The following FANCC variants were observed in gnomAD, a reference collection of about 807,000 sequenced individuals.
The protein encoded by FANCC is FA complementation group C, also known as Fanconi anemia group C protein.
Under a neutral mutation model 71.3 loss-of-function variants are expected in FANCC, and 55 were observed. The observed-to-expected ratio is 0.77, with a 90% CI of 0.62 to 0.97. The LOEUF (loss-of-function observed/expected upper bound fraction) is 0.97. FANCC is among the 50% of genes least tolerant of loss of function. The pLI, the probability that FANCC is intolerant of heterozygous loss-of-function variation, is 0.00. For synonymous variants in FANCC, 275 were observed against 244.9 expected (o/e 1.12, Z -1.15); for missense variants, 678 against 670.9 (o/e 1.01, Z -0.12).
intron 4 of FANCC, among the ~76,000 whole-genome samples, chr9:95,224,504 T>TAA (rs927274972): frequency 6.9e-6 from 1 of 144,070 alleles, no homozygotes; most frequent in African/African-American, 2.5e-5. Flanking sequence ...GAAGATTGGT[T>TAA]AAAAAAAAAA....
rs1407999116 is a variant in FANCC, at chr9:95,172,087, G to C, written c.406C>G (p.Gln136Glu). The C allele has an allele frequency of 5.0e-6, 8 of 1,613,266 alleles. No individual in the cohort carries two copies. The highest frequency in any genetic ancestry group is 5.9e-6 in the Non-Finnish European group (7 of 1,179,360). The stretch of plus-strand genomic sequence containing the variant: ...TCTATAGGTGCATACCCAAGACCTT[G>C]AGTGAAAAGAGCAACTTCTTTATCA... ...RFDKEVALFT[Q>E]GLGYAPIDYY... Residue 136 changes from glutamine (Q) to glutamate (E), a missense_variant, in exon 5 of 15, where the codon CAA becomes GAA. Transcript: ENST00000289081.
At position 95,099,284 on chromosome 9, in the gene FANCC, G is replaced by C. The variant is rs2134368846; in HGVS notation, c.*2423C>G. 4.5e-6 allele frequency: 1 copy of C among 222,420 alleles called. No homozygotes were observed. Among genetic ancestry groups the C allele is most frequent in the Non-Finnish European group, 9.0e-6 (1 of 111,410 alleles). 13.8% of individuals were successfully genotyped at this position (222,420 alleles called of 1,614,324 possible). A position where few individuals can be genotyped will look rare whatever the true frequency, so the allele number is the denominator to read the frequency against. ...GGAGAGTCTACAAAAACTCCTGCTA[G>C]AGTAAGGTCAGATTCCAGACCCTGT... On this transcript the variant is annotated 3_prime_UTR_variant, in exon 15 of 15. Coordinates refer to ENST00000289081, the MANE Select transcript of FANCC (RefSeq NM_000136.3).
At chr9:95,195,378 T>G (rs1012711474) in intron 4 of FANCC, among the ~76,000 whole-genome samples, 4 of 152,092 alleles carry the variant, frequency 2.6e-5, no homozygotes, top group African/African-American at 9.7e-5. Context: ...TTGTTGAAAT[T>G]TCTCCATTGA....
intron 1 of FANCC, among the ~76,000 whole-genome samples, chr9:95,302,668 A>C (rs1834820317): frequency 6.6e-6 from 1 of 152,170 alleles, no homozygotes; most frequent in Admixed American, 6.5e-5. Flanking sequence ...CTTCTAAAGC[A>C]CTTGTGCCTA....
intron 13 of FANCC, among the ~76,000 whole-genome samples, chr9:95,108,645 T>C (rs2071652242): frequency 6.6e-6 from 1 of 152,220 alleles, no homozygotes. Context: ...TTTTAAAGTA[T>C]TTTTTATCCT....
chr9:95,200,585 T>A (rs1182915149), intron 4 of FANCC, among the ~76,000 whole-genome samples: 2 of 152,220 alleles, frequency 1.3e-5, no homozygotes, highest in African/African-American at 4.8e-5. Context: ...ATGGGGAATT[T>A]CAGGCAAATG....
chr9:95,220,761 TA>T (rs1282970592), intron 4 of FANCC, among the ~76,000 whole-genome samples: 2 of 152,010 alleles, frequency 1.3e-5, no homozygotes, highest in Non-Finnish European at 2.9e-5. Context: ...GAGAAATACC[TA>T]ATGTAAATGA....
At chr9:95,283,921 A>T (rs1191469025) in intron 1 of FANCC, among the ~76,000 whole-genome samples, 1 of 152,188 alleles carries the variant, frequency 6.6e-6, no homozygotes, top group African/African-American at 2.4e-5. Context: ...TTGGGAAGTT[A>T]TTTTGCCAGT....
At chr9:95,190,174 C>T (rs977050238) in intron 4 of FANCC, among the ~76,000 whole-genome samples, 2 of 152,102 alleles carry the variant, frequency 1.3e-5, no homozygotes, top group Non-Finnish European at 2.9e-5. Flanking sequence ...ACGCACACCC[C>T]CCATGTCCTG....
chr9:95,303,867 T>C (rs1040428662), intron 1 of FANCC, among the ~76,000 whole-genome samples: 2 of 152,194 alleles, frequency 1.3e-5, no homozygotes, highest in Non-Finnish European at 2.9e-5. Context: ...ATTAGCTTTC[T>C]TGTAATGAGT....
At chr9:95,271,921 C>A (rs1832747992) in intron 1 of FANCC, among the ~76,000 whole-genome samples, 1 of 93,846 alleles carries the variant, frequency 1.1e-5, no homozygotes, top group African/African-American at 3.8e-5. Context: ...TCCCATCAAG[C>A]CTCTTCTTTT....
At chr9:95,110,439 A>ATCT (rs2071826913) in intron 13 of FANCC, 1 of 1,025,754 alleles carries the variant, frequency 9.7e-7, no homozygotes, top group African/African-American at 1.7e-5. Flanking sequence ...GCTTAACGTG[A>ATCT]TCTTTTAAAG....
intron 6 of FANCC, among the ~76,000 whole-genome samples, chr9:95,162,016 A>AT (rs899210125): frequency 3.3e-5 from 5 of 151,902 alleles, no homozygotes; most frequent in African/African-American, 1.2e-4. Context: ...TAATTTTTGT[A>AT]TTTTTAGTAG....
intron 6 of FANCC, among the ~76,000 whole-genome samples, chr9:95,159,760 G>A (rs937883858): frequency 4.6e-5 from 7 of 152,150 alleles, no homozygotes; most frequent in Non-Finnish European, 8.8e-5. Context: ...TTGTGGTTTT[G>A]ATTTGCATTT....
chr9:95,168,537 ACT>A (rs1312064128), intron 6 of FANCC, among the ~76,000 whole-genome samples: 3 of 152,190 alleles, frequency 2.0e-5, no homozygotes, highest in Admixed American at 6.5e-5. Flanking sequence ...TAAATTGTGC[ACT>A]GTTTTGTTCG....
At chr9:95,108,274 G>T (rs933338083) in intron 13 of FANCC, among the ~76,000 whole-genome samples, 2 of 152,256 alleles carry the variant, frequency 1.3e-5, no homozygotes, top group East Asian at 3.9e-4. Context: ...CTTCCACGGG[G>T]AGCGGCAGCG....
At chr9:95,308,236 G>A (rs908357235) in intron 1 of FANCC, among the ~76,000 whole-genome samples, 1 of 151,770 alleles carries the variant, frequency 6.6e-6, no homozygotes, top group Non-Finnish European at 1.5e-5. Context: ...AAACATCTTA[G>A]GCTTAATTTT....
chr9:95,190,351 C>T (rs1827011404), intron 4 of FANCC, among the ~76,000 whole-genome samples: 1 of 152,136 alleles, frequency 6.6e-6, no homozygotes, highest in Admixed American at 6.5e-5. Flanking sequence ...GAAGAGCTAC[C>T]TAGATTAAAA....
chr9:95,216,878 T>C (rs1205888771), intron 4 of FANCC, among the ~76,000 whole-genome samples: 2 of 152,068 alleles, frequency 1.3e-5, no homozygotes, highest in Admixed American at 6.6e-5. Context: ...TCAGCCAGCA[T>C]GCATGAAACA....
Sources: allele counts gnomAD v4.1 joint callset (sites outside exome capture counted in the v4.1 genomes callset), GRCh38; gene constraint gnomAD v4.1.1; transcripts MANE v1.5; gene names NCBI Gene and HGNC (gene_info 2026-07-23, HGNC 2026-07-21).